IFNL2: variants seen among roughly 807,000 people sequenced by gnomAD.
The protein encoded by IFNL2 is interferon lambda 2, also known as interferon lambda-2.
Under a neutral mutation model 18.7 loss-of-function variants are expected in IFNL2, and 17 were observed. The ratio of observed to expected loss-of-function variants is 0.91; its 90% CI spans 0.62 to 1.36. The LOEUF is 1.36. IFNL2 is among the 40% of genes most tolerant of loss of function. The probability of loss-of-function intolerance (pLI) is 0.00; values close to 1 mark genes in which losing one functional copy is unlikely to be tolerated. For missense variants in IFNL2, 225 were observed against 257.3 expected (o/e 0.87, Z 0.86); for synonymous variants, 96 against 113.4 (o/e 0.85, Z 0.98).
At position 39,270,048 on chromosome 19, in the gene IFNL2, T is replaced by C. The variant is rs527769982; in HGVS notation, c.*35T>C. The C allele has an allele frequency of 6.4e-7, 1 of 1,553,194 alleles. No homozygotes were observed. The highest frequency in any genetic ancestry group is 1.4e-5 in the African/African-American group (1 of 73,244). On this transcript the variant is annotated 3_prime_UTR_variant, in exon 6 of 6. Transcript: ENST00000331982. ...CAGTCATGCAACCTGAGATTTTATT[T>C]ATAAATTAGCCACTTGTCTTAATTT...
chr19:39,268,757 C>G lies in IFNL2; in HGVS notation c.91C>G (p.Leu31Val). The G allele has an allele frequency of 1.2e-6, 2 of 1,613,358 alleles. No individual in the cohort carries two copies. The highest frequency in any genetic ancestry group is 1.7e-6 in the Non-Finnish European group (2 of 1,179,860). Reference sequence around the variant, plus strand: ...GACTGGAGCAGTTCCTGTCGCCAGGCTCCACGGGGCTCTCCCGGATGCAAG... The same window carrying G: ...GACTGGAGCAGTTCCTGTCGCCAGGGTCCACGGGGCTCTCCCGGATGCAAG... ...TVTGAVPVAR[L>V]HGALPDARGC... Residue 31 changes from leucine to valine, a missense_variant, in exon 2 of 6, where the codon CTC becomes GTC. Physicochemically the swap from Leu to Val is conservative, Grantham distance 32. Transcript: ENST00000331982.
At chr19:39,269,097 G>A (rs1222927699) in intron 2 of IFNL2, 55 bp from the exon 3 acceptor site, 28 of 1,573,560 alleles carry the variant, frequency 1.8e-5, no homozygotes, top group East Asian at 4.6e-5. Context: ...ATCCCACCAG[G>A]ATGGTCTAAC....
chr19:39,268,465 A>G lies in IFNL2; in HGVS notation c.-104A>G. The stretch of plus-strand genomic sequence containing the variant: ...AAAGCCAGGACACAGTCTGAGATCC[A>G]GAAGAGGGGACTGAAAAGAACAGAG... On this transcript the variant is annotated 5_prime_UTR_variant, in exon 1 of 6. Transcript: ENST00000331982. The G allele has an allele frequency of 9.9e-7, 1 of 1,011,016 alleles. No individual in the cohort carries two copies. Among genetic ancestry groups the G allele is most frequent in the Non-Finnish European group, 1.5e-6 (1 of 667,182 alleles). The allele number at this position is 1,011,016 out of a possible 1,614,324, so 62.6% of individuals were successfully genotyped here. A position where few individuals can be genotyped will look rare whatever the true frequency, so the allele number is the denominator to read the frequency against.
Position 39,269,345 on chromosome 19 carries a change from C to A in IFNL2, c.270+116C>A, listed in dbSNP as rs567230607. 5.3e-5 allele frequency: 78 copies of A among 1,470,534 alleles called. 1 individual carries two copies. The Middle Eastern group carries it at 1.1e-3, about 20-fold the overall frequency. The allele number at this position is 1,470,534 out of a possible 1,614,324, so 91.1% of individuals were successfully genotyped here. On this transcript the variant is annotated intron_variant, in intron 3 of 5. Coordinates refer to ENST00000331982, the MANE Select transcript of IFNL2 (RefSeq NM_172138.2). ...TCTCTCTCTTCTCCTCACACCTGCT[C>A]TCCCTTCCCTCCGCTCCCACCTGAC...
At chr19:39,269,435 C>A (rs1457097174) in intron 3 of IFNL2, 53 bp from the exon 4 acceptor site, 3 of 1,602,352 alleles carry the variant, frequency 1.9e-6, no homozygotes. Context: ...TCCTGCTCCC[C>A]AACCTGTTCC....
rs1600466113 is a variant in IFNL2 at position 39,269,213 on chromosome 19, A to C, written c.254A>C (p.Asp85Ala). 6.2e-7 allele frequency: 1 copy of C among 1,611,418 alleles called. No homozygotes were observed. The highest frequency in any genetic ancestry group is 8.5e-7 in the Non-Finnish European group (1 of 1,178,912). Residue 85 changes from aspartate to alanine, a missense_variant, in exon 3 of 6, where the codon GAC (aspartate) becomes GCC (alanine). By Grantham distance (126) the Asp-to-Ala change is moderately radical. Transcript: ENST00000331982. The part of the protein sequence containing the change: ...CHSRLFPRTW[D>A]LRQLQVRERP... ...TCCCGCCTCTTCCCCAGGACCTGGGACCTGAGGCAGCTGCAGGTGAGAGGG... is the reference window on the plus strand; with the variant it reads ...TCCCGCCTCTTCCCCAGGACCTGGGCCCTGAGGCAGCTGCAGGTGAGAGGG...
At chr19:39,269,377 G>A in intron 3 of IFNL2, 111 bp from the exon 4 acceptor site, 1 of 1,508,496 alleles carries the variant, frequency 6.6e-7, no homozygotes. Context: ...TGACCACACT[G>A]GCTGTGCCCT....
At position 39,269,492 on chromosome 19, in the gene IFNL2, G is replaced by A; in HGVS notation, c.275G>A (p.Arg92Lys). Reference protein sequence around the residue: ...RTWDLRQLQVRERPMALEAEL... With the variant: ...RTWDLRQLQVKERPMALEAEL... ...CTCTTTCTCACCTCTCCTCAGGTGA[G>A]GGAGCGCCCCATGGCTTTGGAGGCT... Residue 92 changes from arginine (R) to lysine (K), a missense_variant, in exon 4 of 6, where the codon AGG (arginine) becomes AAG (lysine). By Grantham distance (26) the Arg-to-Lys change is conservative. Coordinates refer to ENST00000331982, the MANE Select transcript of IFNL2 (RefSeq NM_172138.2). 1 of 1,614,162 alleles carries A rather than the reference G, an allele frequency of 6.2e-7. No homozygotes were observed. Among genetic ancestry groups the A allele is most frequent in the South Asian group, 1.1e-5 (1 of 91,080 alleles).
At position 39,269,760 on chromosome 19, in the gene IFNL2, G is replaced by A; in HGVS notation, c.443G>A (p.Gly148Glu). Residue 148 changes from glycine to glutamate, a missense_variant, in exon 5 of 6, where the codon GGG becomes GAG. Gly to Glu is a moderately conservative substitution (Grantham distance 98). Transcript: ENST00000331982. Reference sequence around the variant, plus strand: ...CAGATCCAGCCTCAGCCCACGGCAGGGCCCAGGACCCGGGGCCGCCTCCAC... The same window carrying A: ...CAGATCCAGCCTCAGCCCACGGCAGAGCCCAGGACCCGGGGCCGCCTCCAC... ...RACIQPQPTA[G>E]PRTRGRLHHW... is the part of the protein sequence containing the mutation. 1.2e-6 allele frequency: 2 copies of A among 1,609,216 alleles called. No homozygotes were observed. Among genetic ancestry groups the A allele is most frequent in the Non-Finnish European group, 1.7e-6 (2 of 1,178,312 alleles).
Position 39,268,764 on chromosome 19 carries a change from G to A in IFNL2, c.98G>A (p.Gly33Glu). The A allele has an allele frequency of 6.2e-7, 1 of 1,613,418 alleles. No homozygotes were observed. The highest frequency in any genetic ancestry group is 1.3e-5 in the African/African-American group (1 of 74,510). Residue 33 changes from glycine to glutamate, a missense_variant, in exon 2 of 6, where the codon GGG (glycine) becomes GAG (glutamate). Transcript: ENST00000331982. Reference sequence around the variant, plus strand: ...GCAGTTCCTGTCGCCAGGCTCCACGGGGCTCTCCCGGATGCAAGGGGCTGC... The same window carrying A: ...GCAGTTCCTGTCGCCAGGCTCCACGAGGCTCTCCCGGATGCAAGGGGCTGC... Reference protein sequence around the residue: ...TGAVPVARLHGALPDARGCHI... With the variant: ...TGAVPVARLHEALPDARGCHI...
Position 39,269,177 on chromosome 19 carries a change from G to A in IFNL2, c.218G>A (p.Cys73Tyr), listed in dbSNP as rs377643651. 6.2e-7 allele frequency: 1 copy of A among 1,611,330 alleles called. No homozygotes were observed. Among genetic ancestry groups the A allele is most frequent in the Non-Finnish European group, 8.5e-7 (1 of 1,178,898 alleles). Residue 73 changes from cysteine (C) to tyrosine (Y), a missense_variant, in exon 3 of 6, where the codon TGC becomes TAC. Coordinates refer to ENST00000331982, the MANE Select transcript of IFNL2 (RefSeq NM_172138.2). The part of the protein sequence containing the change: ...ALEESLLLKD[C>Y]RCHSRLFPRT... ...GAAGAGTCGCTTCTGCTGAAGGACT[G>A]CAGGTGCCACTCCCGCCTCTTCCCC...
chr19:39,269,062 C>T, intron 2 of IFNL2, 90 bp from the exon 3 acceptor site: 1 of 1,469,040 alleles, frequency 6.8e-7, no homozygotes, highest in Non-Finnish European at 9.3e-7. Context: ...TTAACCTCCC[C>T]TATCCTGTTG....
At position 39,269,972 on chromosome 19, in the gene IFNL2, C is replaced by G. The variant is rs200581777; in HGVS notation, c.562C>G (p.Arg188Gly). Residue 188 changes from arginine (R) to glycine (G), a missense_variant, in exon 6 of 6, where the codon CGA (arginine) becomes GGA (glycine). Transcript: ENST00000331982. ...CTTCAACCTCTTCCGCCTCCTCACG[C>G]GAGACCTGAATTGTGTTGCCAGTGG... is the stretch of plus-strand genomic sequence containing the variant. ...VTFNLFRLLT[R>G]DLNCVASGDL... is the part of the protein sequence containing the mutation. 368 of 1,602,992 alleles carry G rather than the reference C, an allele frequency of 2.3e-4. 4 individuals carry two copies. Among genetic ancestry groups the G allele is most frequent in the African/African-American group, 2.1e-3 (160 of 74,760 alleles).
Position 39,268,689 on chromosome 19 carries a change from A to G in IFNL2, c.23A>G (p.Asp8Gly), listed in dbSNP as rs968687384. Residue 8 changes from aspartate (D) to glycine (G), a missense_variant, in exon 2 of 6, where the codon GAC becomes GGC. Coordinates refer to ENST00000331982, the MANE Select transcript of IFNL2 (RefSeq NM_172138.2). ...CTCTGTGACACAGACATGACTGGGG[A>G]CTGCACGCCAGTGCTGGTGCTGATG... MKLDMTG[D>G]CTPVLVLMAA... is the part of the protein sequence containing the mutation. 3 of 1,612,698 alleles carry G rather than the reference A, an allele frequency of 1.9e-6. No individual in the cohort carries two copies. Among genetic ancestry groups the G allele is most frequent in the African/African-American group, 2.7e-5 (2 of 73,874 alleles).
rs543656922 is a variant in IFNL2, at chr19:39,269,960, C to T, written c.550C>T (p.Arg184Cys). 1.6e-5 allele frequency: 25 copies of T among 1,602,578 alleles called. No homozygotes were observed. The highest frequency in any genetic ancestry group is 1.0e-4 in the Admixed American group (6 of 58,336). The change falls in exon 6 of 6, where the codon CGC becomes TGC. Residue 184 changes from arginine (R) to cysteine (C), a missense_variant. Transcript: ENST00000331982. ...GGCCTCTGTCACCTTCAACCTCTTC[C>T]GCCTCCTCACGCGAGACCTGAATTG... ...LEASVTFNLF[R>C]LLTRDLNCVA...
At position 39,269,641 on chromosome 19, in the gene IFNL2, A is replaced by T. The variant is rs1209308466; in HGVS notation, c.420+4A>T. The T allele has an allele frequency of 6.2e-7, 1 of 1,613,782 alleles. No homozygotes were observed. Among genetic ancestry groups the T allele is most frequent in the Non-Finnish European group, 8.5e-7 (1 of 1,179,780 alleles). Reference sequence around the variant, plus strand: ...CCTCTCCCAGTTCCGGGCCTGTGTGAGTCGTTGGGGCCTGGGCACCCAGGT... The same window carrying T: ...CCTCTCCCAGTTCCGGGCCTGTGTGTGTCGTTGGGGCCTGGGCACCCAGGT... On this transcript the variant is annotated splice_donor_region_variant and intron_variant, in intron 4 of 5. Transcript: ENST00000331982.
Position 39,268,828 on chromosome 19 carries a change from G to T in IFNL2, c.162G>T (p.Leu54=), listed in dbSNP as rs574525470. Residue 54 remains leucine, a synonymous_variant, in exon 2 of 6, where the codon CTG becomes CTT. Transcript: ENST00000331982. The part of the protein sequence containing the change: ...AQFKSLSPQE[L]QAFKRAKDAL... ...TCAAGTCCCTGTCTCCACAGGAGCT[G>T]CAGGCCTTTAAGAGGGCCAAAGATG... 1.5e-5 allele frequency: 25 copies of T among 1,613,588 alleles called. No individual in the cohort carries two copies. The Admixed American group carries it at 3.5e-4, about 23-fold the overall frequency.
In IFNL2 at chr19:39,268,912, C is replaced by G. The variant is rs553088; in HGVS notation, c.192+54C>G. On this transcript the variant is annotated intron_variant, in intron 2 of 5. Coordinates refer to ENST00000331982, the MANE Select transcript of IFNL2 (RefSeq NM_172138.2). ...GACTAGCCTCCACCCCCACTCCAAG[C>G]GTCACCATGCTTTCCCACTCCCAGC... 1,401 of 1,565,886 alleles carry G rather than the reference C, an allele frequency of 8.9e-4. 7 individuals are homozygous for G. The highest frequency in any genetic ancestry group is 3.2e-3 in the South Asian group (277 of 85,394).
chr19:39,269,892 G>T lies in IFNL2; in HGVS notation c.505-23G>T, dbSNP rs542340357. 4.3e-5 allele frequency: 69 copies of T among 1,608,656 alleles called. No individual in the cohort carries two copies. The Admixed American group carries it at 5.6e-4, about 13-fold the overall frequency. On this transcript the variant is annotated intron_variant, in intron 5 of 5. Coordinates refer to ENST00000331982, the MANE Select transcript of IFNL2 (RefSeq NM_172138.2). Reference sequence around the variant, plus strand: ...GGAGCCCAGAACCCAGACAGCCCCTGACCCATCCCCTCCTCCCTACAGGAG... The same window carrying T: ...GGAGCCCAGAACCCAGACAGCCCCTTACCCATCCCCTCCTCCCTACAGGAG...
Sources: allele counts gnomAD v4.1 joint callset, GRCh38; gene constraint gnomAD v4.1.1; transcripts MANE v1.5; gene names NCBI Gene and HGNC (gene_info 2026-07-23, HGNC 2026-07-21).